MAN1B1: variants seen among roughly 807,000 people sequenced by gnomAD.
MAN1B1 encodes the protein endoplasmic reticulum mannosyl-oligosaccharide 1,2-alpha-mannosidase.
In MAN1B1, 66 loss-of-function variants were observed where a neutral mutation model predicts 75.5. That is an observed-to-expected ratio of 0.87 (90% CI 0.72 to 1.07). The LOEUF (loss-of-function observed/expected upper bound fraction) is 1.07. Ranked by LOEUF, MAN1B1 falls within the 50% of genes least tolerant of loss-of-function variation. MAN1B1 has a pLI of 0.00. For missense variants in MAN1B1, 973 were observed against 912.5 expected, an observed-to-expected ratio of 1.07 and a Z score of -0.85; for synonymous variants, 453 against 382.8, an observed-to-expected ratio of 1.18 and a Z score of -2.14.
At chr9:137,096,677 C>T (rs1830661201) in intron 4 of MAN1B1, among the ~76,000 whole-genome samples, 1 of 152,210 alleles carries the variant, frequency 6.6e-6, no homozygotes, top group Non-Finnish European at 1.5e-5. Context: ...GAGCCAGGCT[C>T]AGAGGTGGAC....
At position 137,101,495 on chromosome 9, in the gene MAN1B1, A is replaced by C. The variant is rs1369457081; in HGVS notation, c.1077A>C (p.Gly359=). The C allele has an allele frequency of 6.2e-7, 1 of 1,613,864 alleles. No individual in the cohort carries two copies. Among genetic ancestry groups the C allele is most frequent in the East Asian group, 2.2e-5 (1 of 44,878 alleles). Residue 359 remains glycine (G), a synonymous_variant, in exon 8 of 13, where the codon GGA becomes GGC. Transcript: ENST00000371589. The part of the protein sequence containing the change: ...SLFLRKAEDF[G]NRLMPAFRTP... ...TGCTCATATACCAGGAGGATTTTGG[A>C]AATCGGCTAATGCCTGCCTTCAGAA...
At chr9:137,089,054 G>A (rs373546330) in intron 3 of MAN1B1, 49 bp downstream of exon 3, 63 of 1,608,948 alleles carry the variant, frequency 3.9e-5, no homozygotes, top group Non-Finnish European at 5.3e-5. Context: ...CAATCCAGAG[G>A]CATTTCAAAC....
chr9:137,106,217 C>CTTCACCCACCTGGGCGTA lies in MAN1B1; in HGVS notation c.1353_1370dup (p.His452_Thr457dup). 6.2e-7 allele frequency: 1 copy of CTTCACCCACCTGGGCGTA among 1,609,408 alleles called. No homozygotes were observed. The highest frequency in any genetic ancestry group is 8.5e-7 in the Non-Finnish European group (1 of 1,178,418). On this transcript the variant is annotated inframe_insertion, in exon 9 of 13. Coordinates refer to ENST00000371589, the MANE Select transcript of MAN1B1 (RefSeq NM_016219.5). The stretch of plus-strand genomic sequence containing the variant: ...TGTTCATCAATACCCACAGTGGCCT[C>CTTCACCCACCTGGGCGTA]TTCACCCACCTGGGCGTATTCACGC...
chr9:137,096,443 A>C (rs1830655135), intron 4 of MAN1B1, 52 bp downstream of exon 4: 2 of 1,598,044 alleles, frequency 1.3e-6, no homozygotes, highest in Non-Finnish European at 1.7e-6. Context: ...TGATGTTCCG[A>C]AAAACAAGAT....
In MAN1B1 at chr9:137,087,054, T is replaced by G; in HGVS notation, c.55T>G (p.Phe19Val). ...SGALGSSQSD[F>V]LTPPVGGAPW... ...AGCTCTCGGTTCCTCTCAGTCGGAC[T>G]TCCTGACGCCGCCAGTGGGCGGGGC... Residue 19 changes from phenylalanine to valine, a missense_variant, in exon 1 of 13, where the codon TTC becomes GTC. Transcript: ENST00000371589. 6.2e-7 allele frequency: 1 copy of G among 1,604,660 alleles called. No homozygotes were observed. The highest frequency in any genetic ancestry group is 8.5e-7 in the Non-Finnish European group (1 of 1,177,258).
intron 9 of MAN1B1, 47 bp from the exon 10 acceptor site, chr9:137,106,642 G>A (rs1234158286): frequency 1.2e-6 from 2 of 1,612,212 alleles, no homozygotes; most frequent in Non-Finnish European, 1.7e-6. Context: ...CCCCACGGGA[G>A]CCGATGCACC....
chr9:137,107,890 A>G, intron 12 of MAN1B1: 1 of 661,218 alleles, frequency 1.5e-6, no homozygotes, highest in Non-Finnish European at 2.7e-6. Flanking sequence ...GGGGCTGGGC[A>G]CCCCTCATTT....
intron 5 of MAN1B1, among the ~76,000 whole-genome samples, chr9:137,099,168 C>T (rs761904494): frequency 5.3e-5 from 8 of 152,364 alleles, no homozygotes; most frequent in Non-Finnish European, 7.3e-5. Context: ...GACTGTAGCG[C>T]GTGTGCACAG....
At chr9:137,104,630 G>A (rs1175048771) in intron 8 of MAN1B1, 1 of 170,018 alleles carries the variant, frequency 5.9e-6, no homozygotes, top group African/African-American at 2.4e-5. Flanking sequence ...AATATCTGCT[G>A]CGTGGCTAGG....
intron 4 of MAN1B1, among the ~76,000 whole-genome samples, chr9:137,097,081 C>T (rs534561555): frequency 6.6e-5 from 10 of 152,294 alleles, no homozygotes; most frequent in African/African-American, 1.4e-4. Context: ...TGGTGAGAGG[C>T]GTGGACATGT....
In MAN1B1 at chr9:137,101,659, A is replaced by T. The variant is rs747965269; in HGVS notation, c.1241A>T (p.Asp414Val). The part of the protein sequence containing the change: ...EFRELSRLTG[D>V]KKFQEAVEKV... ...CGGGAGCTCTCCCGTCTCACAGGGGATAAGAAGTTTCAGGTAAGGGGGCAG... is the reference window on the plus strand; with the variant it reads ...CGGGAGCTCTCCCGTCTCACAGGGGTTAAGAAGTTTCAGGTAAGGGGGCAG... The change falls in exon 8 of 13, where the codon GAT (aspartate) becomes GTT (valine). Residue 414 changes from aspartate (D) to valine (V), a missense_variant. Coordinates refer to ENST00000371589, the MANE Select transcript of MAN1B1 (RefSeq NM_016219.5). The T allele has an allele frequency of 6.2e-7, 1 of 1,612,350 alleles. No individual in the cohort carries two copies.
intron 12 of MAN1B1, 67 bp from the exon 13 acceptor site, chr9:137,108,321 C>T (rs1006547794): frequency 4.0e-5 from 55 of 1,381,644 alleles, no homozygotes; most frequent in Non-Finnish European, 4.7e-5. Flanking sequence ...GAGAGCGCTT[C>T]GGTGATGAGG....
At chr9:137,100,328 C>A (rs1830773979) in intron 6 of MAN1B1, among the ~76,000 whole-genome samples, 1 of 152,222 alleles carries the variant, frequency 6.6e-6, no homozygotes, top group Admixed American at 6.5e-5. Flanking sequence ...TGAAGACCAC[C>A]AGTAAACGAC....
At chr9:137,094,858 C>T (rs1211517164) in intron 3 of MAN1B1, among the ~76,000 whole-genome samples, 1 of 148,032 alleles carries the variant, frequency 6.8e-6, no homozygotes, top group Non-Finnish European at 1.5e-5. Flanking sequence ...CCTGCCTGGG[C>T]AACAAGAGTA....
intron 5 of MAN1B1, among the ~76,000 whole-genome samples, 197 bp downstream of exon 5, chr9:137,098,134 G>A (rs1156615678): frequency 2.0e-5 from 3 of 152,236 alleles, no homozygotes; most frequent in Non-Finnish European, 4.4e-5. Flanking sequence ...TGCTGTCCCT[G>A]AGCACATGGC....
Position 137,107,342 on chromosome 9 carries a change from G to A in MAN1B1, c.1659G>A (p.Met553Ile), listed in dbSNP as rs1282544848. ...ASHMELAQEL[M>I]ETCYQMNRQM... Reference sequence around the variant, plus strand: ...ACATGGAGCTGGCCCAGGAGCTCATGGAGACTTGTTACCAGATGAACCGGC... The same window carrying A: ...ACATGGAGCTGGCCCAGGAGCTCATAGAGACTTGTTACCAGATGAACCGGC... The change falls in exon 11 of 13, where the codon ATG becomes ATA. Residue 553 changes from methionine to isoleucine, a missense_variant. Transcript: ENST00000371589. 6.2e-7 allele frequency: 1 copy of A among 1,613,362 alleles called. No individual in the cohort carries two copies. Among genetic ancestry groups the A allele is most frequent in the African/African-American group, 1.3e-5 (1 of 75,076 alleles).
chr9:137,093,284 C>G (rs1196572365), intron 3 of MAN1B1, among the ~76,000 whole-genome samples: 1 of 152,154 alleles, frequency 6.6e-6, no homozygotes, highest in Non-Finnish European at 1.5e-5. Context: ...ATCCCAGCTA[C>G]TCAGCAGGCT....
rs200910068 is a variant in MAN1B1, at chr9:137,107,652, G to A, written c.1886G>A (p.Arg629Gln). ...WGWEILQSFS[R>Q]FTRVPSGGYS... The stretch of plus-strand genomic sequence containing the variant: ...TGGGAGATTCTGCAGAGCTTCAGCC[G>A]ATTCACACGGGTGAGCACCTGTCCT... The change falls in exon 12 of 13, where the codon CGA becomes CAA. Residue 629 changes from arginine (R) to glutamine (Q), a missense_variant. By Grantham distance (43) the Arg-to-Gln change is conservative. Coordinates refer to ENST00000371589, the MANE Select transcript of MAN1B1 (RefSeq NM_016219.5). The A allele has an allele frequency of 8.8e-5, 142 of 1,609,600 alleles. No homozygotes were observed. The highest frequency in any genetic ancestry group is 1.6e-4 in the Middle Eastern group (1 of 6,062).
intron 3 of MAN1B1, among the ~76,000 whole-genome samples, chr9:137,089,560 G>C (rs967624540): frequency 6.6e-6 from 1 of 152,220 alleles, no homozygotes; most frequent in Non-Finnish European, 1.5e-5. Flanking sequence ...AGAGGGAGCA[G>C]GGGTTGGCTC....
Sources: allele counts gnomAD v4.1 joint callset (sites outside exome capture counted in the v4.1 genomes callset), GRCh38; gene constraint gnomAD v4.1.1; transcripts MANE v1.5; gene names NCBI Gene and HGNC (gene_info 2026-07-23, HGNC 2026-07-21).